The following ROR1 variants were observed in gnomAD, a reference collection of about 807,000 sequenced individuals.
The protein encoded by ROR1 is ROR family WNT receptor 1, also known as inactive tyrosine-protein kinase transmembrane receptor ROR1.
ROR1 carries 19 observed loss-of-function variants against 78.8 expected under a neutral mutation model. That is an observed-to-expected ratio of 0.24 (90% CI 0.17 to 0.35). The LOEUF (loss-of-function observed/expected upper bound fraction) is 0.35, where lower values mean the gene tolerates loss of function less well. Ranked by LOEUF, ROR1 falls within the 10% of genes least tolerant of loss-of-function variation. The pLI is 1.00. For synonymous variants in ROR1, 386 were observed against 433.6 expected (o/e 0.89, Z 1.36); for missense variants, 917 against 1,177.8 (o/e 0.78, Z 3.24).
chr1:64,117,634 A>G (rs893866370), intron 4 of ROR1, among the ~76,000 whole-genome samples: 1 of 152,178 alleles, frequency 6.6e-6, no homozygotes, highest in Non-Finnish European at 1.5e-5. Flanking sequence ...TTATCATACA[A>G]AAACCCTGTG....
chr1:63,848,317 T>C (rs648266), intron 1 of ROR1, among the ~76,000 whole-genome samples: 1 of 152,124 alleles, frequency 6.6e-6, no homozygotes, highest in Non-Finnish European at 1.5e-5. Flanking sequence ...TTCCAGTCTT[T>C]CTTTGTGTGG....
chr1:64,109,189 G>C (rs78926105), intron 4 of ROR1, among the ~76,000 whole-genome samples: 1 of 152,164 alleles, frequency 6.6e-6, no homozygotes, highest in Admixed American at 6.6e-5. Flanking sequence ...ATTGTTCTGA[G>C]TTTTATCAGA....
intron 1 of ROR1, among the ~76,000 whole-genome samples, chr1:63,966,915 T>C (rs1036960275): frequency 1.4e-4 from 21 of 152,232 alleles, no homozygotes; most frequent in African/African-American, 5.1e-4. Context: ...GCCTTCACTC[T>C]TGTTTTTCAA....
intron 1 of ROR1, among the ~76,000 whole-genome samples, chr1:63,932,304 G>T (rs1490043236): frequency 6.6e-6 from 1 of 152,134 alleles, no homozygotes; most frequent in Non-Finnish European, 1.5e-5. Flanking sequence ...TGGGAATGGA[G>T]AGGAAGTGGG....
intron 1 of ROR1, among the ~76,000 whole-genome samples, chr1:63,913,736 T>C (rs933561136): frequency 1.3e-5 from 2 of 152,146 alleles, no homozygotes; most frequent in African/African-American, 4.8e-5. Context: ...TCTAGAGCCC[T>C]CCATAAACAA....
intron 1 of ROR1, among the ~76,000 whole-genome samples, chr1:63,921,303 G>T (rs947697163): frequency 5.3e-5 from 8 of 152,296 alleles, no homozygotes; most frequent in African/African-American, 1.4e-4. Context: ...ATTTGAAAGT[G>T]CTGTGGTGGA....
chr1:64,000,756 A>G (rs928249295), intron 1 of ROR1, among the ~76,000 whole-genome samples: 2 of 152,266 alleles, frequency 1.3e-5, no homozygotes, highest in African/African-American at 2.4e-5. Flanking sequence ...AACCCAGAAC[A>G]ATCTTTCAAA....
intron 1 of ROR1, among the ~76,000 whole-genome samples, chr1:63,909,639 G>A (rs1191883393): frequency 2.0e-5 from 3 of 152,114 alleles, no homozygotes; most frequent in Non-Finnish European, 4.4e-5. Flanking sequence ...GTGAAGTTTT[G>A]AAGTCTGCAC....
At chr1:64,025,585 A>AT (rs1491508467) in intron 2 of ROR1, among the ~76,000 whole-genome samples, 1 of 142,734 alleles carries the variant, frequency 7.0e-6, no homozygotes, top group Non-Finnish European at 1.6e-5. Flanking sequence ...AAATTGTGAG[A>AT]TATATATATA....
intron 2 of ROR1, among the ~76,000 whole-genome samples, chr1:64,011,683 C>A (rs1406764395): frequency 2.0e-5 from 3 of 152,186 alleles, no homozygotes; most frequent in Non-Finnish European, 4.4e-5. Context: ...TCAACACAGA[C>A]TTCCAGAGAG....
At chr1:63,888,292 C>T (rs1213379645) in intron 1 of ROR1, among the ~76,000 whole-genome samples, 1 of 152,040 alleles carries the variant, frequency 6.6e-6, no homozygotes, top group Non-Finnish European at 1.5e-5. Context: ...GTGCTACCAA[C>T]AGGAAACATG....
At chr1:64,051,475 AATAAAAT>A in intron 4 of ROR1, among the ~76,000 whole-genome samples, 2 of 143,288 alleles carry the variant, frequency 1.4e-5, no homozygotes, top group South Asian at 2.1e-4. Context: ...AATAAAATAA[AATAAAAT>A]AAAATAAAAT....
intron 1 of ROR1, among the ~76,000 whole-genome samples, chr1:63,860,401 T>G (rs559962917): frequency 6.6e-6 from 1 of 152,114 alleles, no homozygotes; most frequent in East Asian, 1.9e-4. Flanking sequence ...GATTCTGTAT[T>G]AGAAAGCTGG....
chr1:64,154,128 A>G (rs557560054), intron 7 of ROR1, among the ~76,000 whole-genome samples: 2 of 151,620 alleles, frequency 1.3e-5, no homozygotes, highest in Non-Finnish European at 2.9e-5. Flanking sequence ...CCTATTCAGC[A>G]TTTTTTTTTA....
chr1:63,888,534 G>A (rs1013565640), intron 1 of ROR1, among the ~76,000 whole-genome samples: 1 of 152,000 alleles, frequency 6.6e-6, no homozygotes, highest in Non-Finnish European at 1.5e-5. Flanking sequence ...GAGACAGGAG[G>A]ATCAGTTGAG....
chr1:63,873,713 G>A (rs1645266221), intron 1 of ROR1, among the ~76,000 whole-genome samples: 1 of 151,162 alleles, frequency 6.6e-6, no homozygotes, highest in Admixed American at 6.6e-5. Context: ...TTTTTTCCAA[G>A]TAATACATGG....
chr1:63,950,801 G>A (rs1483227706), intron 1 of ROR1, among the ~76,000 whole-genome samples: 3 of 152,122 alleles, frequency 2.0e-5, no homozygotes, highest in Non-Finnish European at 4.4e-5. Flanking sequence ...CACTTTTAAG[G>A]GGAATACATG....
intron 2 of ROR1, among the ~76,000 whole-genome samples, chr1:64,017,919 A>G (rs1180063651): frequency 6.6e-6 from 1 of 152,194 alleles, no homozygotes; most frequent in East Asian, 1.9e-4. Flanking sequence ...TTCAGTAATT[A>G]CTGGCTAAGA....
chr1:64,057,190 A>G (rs1646881804), intron 4 of ROR1, among the ~76,000 whole-genome samples: 1 of 152,146 alleles, frequency 6.6e-6, no homozygotes, highest in South Asian at 2.1e-4. Context: ...ACAGTGTGTG[A>G]GGTGGGAGTC....
Sources: gnomAD v4.1 joint callset for allele counts (sites outside exome capture counted in the v4.1 genomes callset) on GRCh38, gnomAD v4.1.1 for gene constraint, MANE v1.5 for transcripts, NCBI Gene and HGNC (gene_info 2026-07-23, HGNC 2026-07-21) for gene names.